Variants in USP35 observed in about 807,000 individuals in gnomAD.
The protein encoded by USP35 is ubiquitin specific peptidase 35, also known as ubiquitin carboxyl-terminal hydrolase 35.
A neutral mutation model predicts 83.8 loss-of-function variants in USP35; 69 were observed. The ratio of observed to expected loss-of-function variants is 0.82; its 90% confidence interval spans 0.68 to 1.01. The LOEUF is 1.01. Ranked by LOEUF, USP35 falls within the 50% of genes least tolerant of loss-of-function variation. USP35 has a pLI of 0.00. For synonymous variants in USP35, 714 were observed against 589.5 expected (o/e 1.21, Z -3.06); for missense variants, 1,503 against 1,362.5 (o/e 1.10, Z -1.62).
the USP35 span, among the ~76,000 whole-genome samples, chr11:78,232,624 A>AT: frequency 6.6e-6 from 1 of 152,248 alleles, no homozygotes; most frequent in Non-Finnish European, 1.5e-5. Context: ...CATATTATCT[A>AT]GTACTTGAAG....
chr11:78,198,537 G>T, intron 3 of USP35: 1 of 865,390 alleles, frequency 1.2e-6, no homozygotes. Flanking sequence ...AGACGCACCT[G>T]CCTGTCCAGT....
chr11:78,226,470 T>G, the USP35 span: 2 of 1,612,474 alleles, frequency 1.2e-6, no homozygotes, highest in Non-Finnish European at 1.7e-6. Context: ...CTGACCTCGG[T>G]GAAGTCGGCT....
chr11:78,197,639 C>T (rs1863192575), intron 2 of USP35, among the ~76,000 whole-genome samples: 1 of 152,204 alleles, frequency 6.6e-6, no homozygotes, highest in Non-Finnish European at 1.5e-5. Flanking sequence ...CCACGCAGCC[C>T]TCCCACCTTC....
the USP35 span, chr11:78,220,577 T>C: frequency 1.2e-5 from 8 of 642,026 alleles, no homozygotes; most frequent in Admixed American, 6.9e-5. Context: ...CTAAGGACTT[T>C]TCATGTTTTC....
chr11:78,217,082 TC>T (rs1864184217), downstream of USP35: 2 of 152,384 alleles, frequency 1.3e-5, no homozygotes, highest in Non-Finnish European at 2.9e-5. Flanking sequence ...ATCTGACTCA[TC>T]CCCTTCTAAG....
intron 6 of USP35, among the ~76,000 whole-genome samples, chr11:78,204,191 A>G (rs1384878134): frequency 2.0e-5 from 3 of 152,116 alleles, no homozygotes; most frequent in African/African-American, 4.8e-5. Context: ...CGCCCGGCCT[A>G]TTTTTCTTTG....
At chr11:78,221,824 G>C in the USP35 span, 2 of 1,379,418 alleles carry the variant, frequency 1.4e-6, no homozygotes, top group Non-Finnish European at 1.0e-6. Context: ...CTGCATGGCT[G>C]CTGCCATGTT....
Position 78,213,666 on chromosome 11 carries a change from G to C in USP35, c.2910G>C (p.Arg970=), listed in dbSNP as rs1565406339. The change falls in exon 11 of 11, where the codon CGG becomes CGC. Residue 970 remains arginine (R), a synonymous_variant. Coordinates refer to ENST00000529308, the MANE Select transcript of USP35 (RefSeq NM_020798.4). ...LYLQEQEKEA[R]SRAAYISALP... ...CCCAGGAGCAGGAGAAGGAGGCCCG[G>C]AGCAGGGCGGCCTACATCTCTGCAC... 5 of 1,500,592 alleles carry C rather than the reference G, an allele frequency of 3.3e-6. No individual in the cohort carries two copies. Among genetic ancestry groups the C allele is most frequent in the South Asian group, 1.4e-5 (1 of 73,626 alleles). 93.0% of individuals were successfully genotyped at this position (1,500,592 alleles called of 1,614,324 possible).
At chr11:78,203,203 G>A (rs898313288) in intron 6 of USP35, among the ~76,000 whole-genome samples, 1 of 152,086 alleles carries the variant, frequency 6.6e-6, no homozygotes, top group Non-Finnish European at 1.5e-5. Context: ...TCAACCCCGC[G>A]CCTTGAGAAG....
intron 10 of USP35, among the ~76,000 whole-genome samples, chr11:78,213,054 G>T (rs1167613135): frequency 6.6e-6 from 1 of 152,190 alleles, no homozygotes; most frequent in Non-Finnish European, 1.5e-5. Context: ...TTTGTGTTTT[G>T]TGCGGGGGAA....
At chr11:78,191,153 G>C (rs2137019933) in intron 1 of USP35, among the ~76,000 whole-genome samples, 1 of 143,720 alleles carries the variant, frequency 7.0e-6, no homozygotes, top group South Asian at 2.3e-4. Context: ...CATAGGAGTT[G>C]TGTACACACA....
rs200697593 is a variant in USP35, at chr11:78,203,887, C to CTTTTT, written c.1198-1951_1198-1950insTTTTT. Among the ~76,000 whole-genome samples the CTTTTT allele has an allele frequency of 1.3e-3, 158 of 124,422 alleles. 12 individuals carry two copies. The highest frequency in any genetic ancestry group is 3.4e-3 in the African/African-American group (106 of 31,168). 81.6% of individuals were successfully genotyped at this position (124,422 alleles called of 152,430 possible). ...GCCACTGTACCCAGCCCATATTTTT[C>CTTTTT]TTTTCTTTTTTTTTTTTTTTTGAGA... On this transcript the variant is annotated intron_variant, in intron 6 of 10. Transcript: ENST00000529308.
intron 1 of USP35, among the ~76,000 whole-genome samples, chr11:78,194,739 C>CT (rs1863093219): frequency 6.6e-6 from 1 of 152,258 alleles, no homozygotes; most frequent in African/African-American, 2.4e-5. Context: ...ATGACTCACA[C>CT]TGCACCCTGC....
At position 78,214,234 on chromosome 11, in the gene USP35, A is replaced by AGAGGGGGG. The variant is rs1275222810; in HGVS notation, c.*422_*423insAGGGGGGG. 1.0e-5 allele frequency: 1 copy of AGAGGGGGG among 96,204 alleles called. No homozygotes were observed. The highest frequency in any genetic ancestry group is 5.1e-5 in the African/African-American group (1 of 19,658). The allele number at this position is 96,204 out of a possible 1,614,324, so 6.0% of individuals were successfully genotyped here. ...ACAGCAGGATCCAAGCCTTGCACAAAGGGGTGGGGGGGGCAGTGTCTCCTC... is the reference window on the plus strand; with the variant it reads ...ACAGCAGGATCCAAGCCTTGCACAAAGAGGGGGGGGGGTGGGGGGGGCAGTGTCTCCTC... On this transcript the variant is annotated 3_prime_UTR_variant, in exon 11 of 11. Coordinates refer to ENST00000529308, the MANE Select transcript of USP35 (RefSeq NM_020798.4).
At position 78,200,723 on chromosome 11, in the gene USP35, A is replaced by T. The variant is rs1196469680; in HGVS notation, c.1112A>T (p.Glu371Val). The T allele has an allele frequency of 6.2e-7, 1 of 1,614,020 alleles. No individual in the cohort carries two copies. Among genetic ancestry groups the T allele is most frequent in the African/African-American group, 1.3e-5 (1 of 75,026 alleles). The change falls in exon 6 of 11, where the codon GAG becomes GTG. Residue 371 changes from glutamate (E) to valine (V), a missense_variant. By Grantham distance (121) the Glu-to-Val change is moderately radical. Coordinates refer to ENST00000529308, the MANE Select transcript of USP35 (RefSeq NM_020798.4). Reference protein sequence around the residue: ...EDSNSGTSCLEQLAELVHCMV... With the variant: ...EDSNSGTSCLVQLAELVHCMV... ...TCGAACTCGGGGACCAGCTGCCTGG[A>T]GCAGCTGGCGGAGCTGGTCCACTGC...
rs1193285316 is a variant in USP35 at position 78,196,512 on chromosome 11, G to T, written c.267G>T (p.Leu89=). Residue 89 remains leucine, a synonymous_variant, in exon 2 of 11, where the codon CTG becomes CTT. Transcript: ENST00000529308. This position sits in a 1 kb window ranked among gnomAD's most constrained non-coding sequence, Gnocchi z 4.8. ...GCGCGCGTCGCGTGCTGCGCCTGCT[G>T]CAGGGTGGCGCCGGCCCCCCGGGCC... ...FFSARRVLRL[L]QGGAGPPGPR... 1.6e-6 allele frequency: 2 copies of T among 1,225,624 alleles called. No homozygotes were observed. The highest frequency in any genetic ancestry group is 8.7e-5 in the Admixed American group (2 of 22,944). The allele number at this position is 1,225,624 out of a possible 1,614,324, so 75.9% of individuals were successfully genotyped here.
At chr11:78,200,558 C>T (rs1048953600) in intron 5 of USP35, 92 bp from the exon 6 acceptor site, 1 of 1,512,540 alleles carries the variant, frequency 6.6e-7, no homozygotes, top group Non-Finnish European at 8.8e-7. Context: ...CTCCCTACCT[C>T]AGAGAGTGTT....
rs764986385 is a variant in USP35 at position 78,209,881 on chromosome 11, A to G, written c.2026A>G (p.Arg676Gly). The G allele has an allele frequency of 1.2e-6, 2 of 1,606,780 alleles. No homozygotes were observed. Among genetic ancestry groups the G allele is most frequent in the South Asian group, 1.1e-5 (1 of 90,330 alleles). ...EAGGQSSQEE[R>G]IEREEEGKEE... is the part of the protein sequence containing the mutation. Reference sequence around the variant, plus strand: ...TGGTGGGCAGAGCAGTCAGGAGGAAAGGATAGAGAGGGAGGAAGAAGGGAA... The same window carrying G: ...TGGTGGGCAGAGCAGTCAGGAGGAAGGGATAGAGAGGGAGGAAGAAGGGAA... The change falls in exon 10 of 11, where the codon AGG (arginine) becomes GGG (glycine). Residue 676 changes from arginine (R) to glycine (G), a missense_variant. Arg to Gly is a moderately radical substitution (Grantham distance 125). Transcript: ENST00000529308.
the USP35 span, chr11:78,223,641 G>T: frequency 5.0e-6 from 8 of 1,610,332 alleles, no homozygotes; most frequent in South Asian, 8.8e-5. Context: ...CTTCAGAATT[G>T]GTGCTGTCCG....
Sources: allele counts gnomAD v4.1 joint callset (sites outside exome capture counted in the v4.1 genomes callset), GRCh38; gene constraint gnomAD v4.1.1; non-coding constraint Gnocchi (gnomAD v3.1); transcripts MANE v1.5; gene names NCBI Gene and HGNC (gene_info 2026-07-23, HGNC 2026-07-21).